The following DARS2 variants were observed in gnomAD, a reference collection of about 807,000 sequenced individuals.
The protein encoded by DARS2 is aspartate--tRNA ligase, mitochondrial.
In DARS2, 63 loss-of-function variants were observed where a neutral mutation model predicts 83.0. That is an observed-to-expected ratio of 0.76 (90% CI 0.62 to 0.94). The LOEUF is 0.94. DARS2 is among the 40% of genes least tolerant of loss of function. DARS2 has a pLI of 0.00. For missense variants in DARS2, 675 were observed against 774.4 expected, an observed-to-expected ratio of 0.87 and a Z score of 1.52; for synonymous variants, 250 against 269.3, an observed-to-expected ratio of 0.93 and a Z score of 0.70.
At chr1:173,854,664 A>G (rs1653797600) in intron 15 of DARS2, among the ~76,000 whole-genome samples, 2 of 152,228 alleles carry the variant, frequency 1.3e-5, no homozygotes, top group South Asian at 2.1e-4. Context: ...CCCTGCTTAA[A>G]AAAACCATGC....
At chr1:173,833,188 T>TA (rs1183578660) in intron 5 of DARS2, among the ~76,000 whole-genome samples, 188 bp from the exon 6 acceptor site, 5 of 152,068 alleles carry the variant, frequency 3.3e-5, no homozygotes, top group African/African-American at 7.2e-5. Flanking sequence ...TAATGAATAG[T>TA]AAAAAAATGT....
In DARS2 at chr1:173,839,354, A is replaced by G. The variant is rs767019996; in HGVS notation, c.841-13A>G. The G allele has an allele frequency of 8.1e-6, 13 of 1,613,338 alleles. No individual in the cohort carries two copies. Among genetic ancestry groups the G allele is most frequent in the Non-Finnish European group, 9.3e-6 (11 of 1,179,384 alleles). ...GTGGCTAAATTAGTTTCCATATGGTACTTTGGTTTCAGATTGACATAGAGA... is the reference window on the plus strand; with the variant it reads ...GTGGCTAAATTAGTTTCCATATGGTGCTTTGGTTTCAGATTGACATAGAGA... On this transcript the variant is annotated splice_polypyrimidine_tract_variant and intron_variant, in intron 9 of 16. Coordinates refer to ENST00000649689, the MANE Select transcript of DARS2 (RefSeq NM_018122.5).
Position 173,850,469 on chromosome 1 carries a change from A to G in DARS2, c.1334A>G (p.His445Arg). Reference protein sequence around the residue: ...EDVVLLTAGEHNKACSLLGKL... With the variant: ...EDVVLLTAGERNKACSLLGKL... ...GTGGTCCTACTAACTGCTGGAGAGC[A>G]CAATAAAGCAGTAAGAAAAATTACT... The change falls in exon 13 of 17, where the codon CAC (histidine) becomes CGC (arginine). Residue 445 changes from histidine to arginine, a missense_variant. Transcript: ENST00000649689. The G allele has an allele frequency of 6.2e-7, 1 of 1,613,956 alleles. No individual in the cohort carries two copies. Among genetic ancestry groups the G allele is most frequent in the Admixed American group, 1.7e-5 (1 of 60,008 alleles).
Position 173,853,784 on chromosome 1 carries a change from G to T in DARS2, c.1564-11G>T. The T allele has an allele frequency of 6.2e-7, 1 of 1,610,490 alleles. No individual in the cohort carries two copies. Among genetic ancestry groups the T allele is most frequent in the Non-Finnish European group, 8.5e-7 (1 of 1,176,796 alleles). ...ATTTTCTCTAACATAAAGTATCTGTGAATCTTCTAGGCCCGTAGCCAACAC... is the reference window on the plus strand; with the variant it reads ...ATTTTCTCTAACATAAAGTATCTGTTAATCTTCTAGGCCCGTAGCCAACAC... On this transcript the variant is annotated splice_polypyrimidine_tract_variant and intron_variant, in intron 14 of 16. Coordinates refer to ENST00000649689, the MANE Select transcript of DARS2 (RefSeq NM_018122.5).
chr1:173,844,669 C>CAAAAAAAAAAAAA (rs549839808), intron 11 of DARS2, among the ~76,000 whole-genome samples: 3 of 29,928 alleles, frequency 1.0e-4, no homozygotes, highest in African/African-American at 2.4e-4. Flanking sequence ...GACTCCATCG[C>CAAAAAAAAAAAAA]AAAAAAAAAA....
At chr1:173,847,902 G>T (rs564327028) in intron 12 of DARS2, among the ~76,000 whole-genome samples, 7 of 144,528 alleles carry the variant, frequency 4.8e-5, no homozygotes, top group Non-Finnish European at 1.0e-4. Flanking sequence ...GCCCAGGCTG[G>T]AGTGCAGTGG....
chr1:173,829,166 TG>T (rs1393412583), intron 3 of DARS2, among the ~76,000 whole-genome samples: 1 of 152,096 alleles, frequency 6.6e-6, no homozygotes. Flanking sequence ...TGCTGTCATC[TG>T]TATAAAAACT....
At chr1:173,840,368 A>G (rs1380266181) in intron 10 of DARS2, among the ~76,000 whole-genome samples, 2 of 152,150 alleles carry the variant, frequency 1.3e-5, no homozygotes, top group Non-Finnish European at 2.9e-5. Flanking sequence ...CCTCCCGAGT[A>G]GCTGGGATTA....
chr1:173,839,160 A>C (rs150452518), intron 9 of DARS2, among the ~76,000 whole-genome samples: 49 of 152,320 alleles, frequency 3.2e-4, no homozygotes, highest in Middle Eastern at 3.4e-3. Flanking sequence ...TAGTTCTCTG[A>C]GCCTTCATGA....
At chr1:173,844,150 ATCATT>A (rs1571990369) in intron 11 of DARS2, among the ~76,000 whole-genome samples, 2 of 152,230 alleles carry the variant, frequency 1.3e-5, no homozygotes, top group Non-Finnish European at 2.9e-5. Flanking sequence ...AAGTGTTTGG[ATCATT>A]TCAAAGTTAT....
In DARS2 at chr1:173,844,511, A is replaced by G. The variant is rs181928119; in HGVS notation, c.1129-718A>G. On this transcript the variant is annotated intron_variant, in intron 11 of 16. Coordinates refer to ENST00000649689, the MANE Select transcript of DARS2 (RefSeq NM_018122.5). ...ATGGTGAAACCCCATCCCTACTAAAAATACAAAAATTAGCCAGGTGTGGTG... is the reference window on the plus strand; with the variant it reads ...ATGGTGAAACCCCATCCCTACTAAAGATACAAAAATTAGCCAGGTGTGGTG... Among the ~76,000 whole-genome samples the G allele has an allele frequency of 4.4e-3, 672 of 151,498 alleles. 8 individuals carry two copies. The highest frequency in any genetic ancestry group is 0.015 in the African/African-American group (639 of 41,288).
intron 12 of DARS2, among the ~76,000 whole-genome samples, chr1:173,845,873 A>G (rs1319708291): frequency 6.6e-6 from 1 of 152,088 alleles, no homozygotes; most frequent in Non-Finnish European, 1.5e-5. Flanking sequence ...AATAAAAAAA[A>G]TTGGCCGGGC....
chr1:173,844,663 C>G (rs1366977820), intron 11 of DARS2, among the ~76,000 whole-genome samples: 1 of 63,276 alleles, frequency 1.6e-5, no homozygotes, highest in African/African-American at 6.2e-5. Flanking sequence ...GAGCTAGACT[C>G]CATCGCAAAA....
intron 7 of DARS2, among the ~76,000 whole-genome samples, chr1:173,834,732 G>GTTTTTTTTTTTTTTTTTTTTTTTTT: frequency 4.6e-5 from 1 of 21,680 alleles, no homozygotes; most frequent in Non-Finnish European, 8.5e-5. Context: ...GAGTTTTTTT[G>GTTTTTTTTTTTTTTTTTTTTTTTTT]TTTTTTTTTT....
In DARS2 at chr1:173,834,530, T is replaced by G. The variant is rs1557856257; in HGVS notation, c.663+11T>G. On this transcript the variant is annotated intron_variant, in intron 7 of 16. Transcript: ENST00000649689. ...AAGAGGACCCCAGGGGTATGTATAT[T>G]CCTTCAATCAGTCTATTAATAATGT... 6.3e-7 allele frequency: 1 copy of G among 1,590,410 alleles called. No individual in the cohort carries two copies. The highest frequency in any genetic ancestry group is 2.2e-5 in the East Asian group (1 of 44,676).
intron 11 of DARS2, among the ~76,000 whole-genome samples, chr1:173,842,865 T>C (rs1258288007): frequency 1.4e-5 from 2 of 145,384 alleles, no homozygotes; most frequent in Admixed American, 1.4e-4. Context: ...TTGAGCCCAG[T>C]AGGCAGAGGT....
At position 173,857,858 on chromosome 1, in the gene DARS2, C is replaced by A; in HGVS notation, c.*153C>A. 2 of 838,626 alleles carry A rather than the reference C, an allele frequency of 2.4e-6. No individual in the cohort carries two copies. Among genetic ancestry groups the A allele is most frequent in the Non-Finnish European group, 3.8e-6 (2 of 528,508 alleles). The allele number at this position is 838,626 out of a possible 1,614,324, so 51.9% of individuals were successfully genotyped here. ...AACATTCTTCACCACAACGAAGAAA[C>A]AGATAAAAGATACCCAATTTTGACT... On this transcript the variant is annotated 3_prime_UTR_variant, in exon 17 of 17. Coordinates refer to ENST00000649689, the MANE Select transcript of DARS2 (RefSeq NM_018122.5).
intron 13 of DARS2, 121 bp downstream of exon 13, chr1:173,850,600 T>TAA: frequency 1.1e-6 from 1 of 942,732 alleles, no homozygotes; most frequent in Non-Finnish European, 1.5e-6. Context: ...CTGCTCTGCA[T>TAA]AAATCTTTTT....
At chr1:173,846,629 C>CA (rs919213528) in intron 12 of DARS2, among the ~76,000 whole-genome samples, 24 of 151,048 alleles carry the variant, frequency 1.6e-4, no homozygotes, top group South Asian at 2.1e-4. Flanking sequence ...CTCGTCTCTA[C>CA]AAAAAACAGA....
Sources: allele counts gnomAD v4.1 joint callset (sites outside exome capture counted in the v4.1 genomes callset), GRCh38; gene constraint gnomAD v4.1.1; transcripts MANE v1.5; gene names NCBI Gene and HGNC (gene_info 2026-07-23, HGNC 2026-07-21).